CEP43: variants seen among roughly 807,000 people sequenced by gnomAD.
The protein encoded by CEP43 is centrosomal protein 43, also known as FGFR1 oncogene partner.
A neutral mutation model predicts 52.6 loss-of-function variants in CEP43; 36 were observed. The ratio of observed to expected loss-of-function variants is 0.68; its 90% CI spans 0.52 to 0.90. CEP43 has a LOEUF of 0.90. Among genes scored for constraint, CEP43 ranks in the 40% least tolerant of loss-of-function variants. The pLI is 0.00. For missense variants in CEP43, 506 were observed against 472.8 expected, an observed-to-expected ratio of 1.07 and a Z score of -0.65; for synonymous variants, 192 against 172.4, an observed-to-expected ratio of 1.11 and a Z score of -0.89.
intron 10 of CEP43, among the ~76,000 whole-genome samples, chr6:167,029,445 CAAATCTGA>C: frequency 6.6e-6 from 1 of 152,282 alleles, no homozygotes; most frequent in South Asian, 2.1e-4. Flanking sequence ...ATGAGCATCC[CAAATCTGA>C]AAATCTGAAA....
intron 8 of CEP43, 144 bp downstream of exon 8, chr6:167,022,779 A>C (rs1396630465): frequency 1.6e-6 from 1 of 642,742 alleles, no homozygotes; most frequent in Non-Finnish European, 2.7e-6. Flanking sequence ...AATGCCTTTC[A>C]TGTTGTAAAA....
Position 167,044,398 on chromosome 6 carries a change from T to C in CEP43, c.*4420T>C. 1.0e-6 allele frequency: 1 copy of C among 985,208 alleles called. No homozygotes were observed. The highest frequency in any genetic ancestry group is 1.2e-6 in the Non-Finnish European group (1 of 829,868). 61.0% of individuals were successfully genotyped at this position (985,208 alleles called of 1,614,324 possible). On this transcript the variant is annotated 3_prime_UTR_variant, in exon 13 of 13. Coordinates refer to ENST00000366847, the MANE Select transcript of CEP43 (RefSeq NM_007045.4). The stretch of plus-strand genomic sequence containing the variant: ...AAAGGCAATTTCAAAGAAATCTTTA[T>C]GTTTAGCAAGAAGACCAAGATGACA...
At chr6:167,033,099 CTTTTTTTT>C (rs71032896) in intron 11 of CEP43, among the ~76,000 whole-genome samples, 3 of 68,298 alleles carry the variant, frequency 4.4e-5, no homozygotes, top group African/African-American at 5.5e-5. Flanking sequence ...TTGCCATTCT[CTTTTTTTT>C]TTTTTTTTTT....
In CEP43 at chr6:167,047,632, G is replaced by A. The variant is rs775895356; in HGVS notation, c.*7654G>A. 5 of 152,192 alleles carry A rather than the reference G, an allele frequency of 3.3e-5. No individual in the cohort carries two copies. Among genetic ancestry groups the A allele is most frequent in the Non-Finnish European group, 5.9e-5 (4 of 68,038 alleles). 9.4% of individuals were successfully genotyped at this position (152,192 alleles called of 1,614,324 possible). A position where few individuals can be genotyped will look rare whatever the true frequency, so the allele number is the denominator to read the frequency against. ...GGAGAAGAGAGAATACTTCTCGGAT[G>A]ATTGTTCAGTTTCTGATGAATGTCT... On this transcript the variant is annotated 3_prime_UTR_variant, in exon 13 of 13. Transcript: ENST00000366847.
At chr6:167,034,017 T>C in intron 12 of CEP43, 46 bp downstream of exon 12, 1 of 861,644 alleles carries the variant, frequency 1.2e-6, no homozygotes, top group South Asian at 1.7e-5. Context: ...TTTTTTAACC[T>C]ATTTGTCGAT....
chr6:167,049,866 G>A lies in CEP43; in HGVS notation c.*9888G>A, dbSNP rs960915153. The A allele has an allele frequency of 1.3e-5, 2 of 152,250 alleles. No individual in the cohort carries two copies. Among genetic ancestry groups the A allele is most frequent in the Non-Finnish European group, 1.5e-5 (1 of 68,022 alleles). The allele number at this position is 152,250 out of a possible 1,614,324, so 9.4% of individuals were successfully genotyped here. On this transcript the variant is annotated 3_prime_UTR_variant, in exon 13 of 13. Transcript: ENST00000366847. ...GCTTCCAGTTTCTCCACATCATCAC[G>A]AATACTCCTTATTCTCTCTCTTTTT... is the stretch of plus-strand genomic sequence containing the variant.
Position 167,039,885 on chromosome 6 carries a change from T to G in CEP43, c.1126-19T>G. On this transcript the variant is annotated intron_variant, in intron 12 of 12. Transcript: ENST00000366847. ...CACATTCTGACACTTAATTATTTTC[T>G]TTCTTTTGAACAACAAAGCTTGATG... 1 of 1,612,148 alleles carries G rather than the reference T, an allele frequency of 6.2e-7. No homozygotes were observed. Among genetic ancestry groups the G allele is most frequent in the Non-Finnish European group, 8.5e-7 (1 of 1,179,050 alleles).
intron 7 of CEP43, 146 bp from the exon 8 acceptor site, chr6:167,022,259 AACAC>A (rs35327997): frequency 0.047 from 25,042 of 536,870 alleles, 284 homozygotes; most frequent in African/African-American, 0.097. Flanking sequence ...GAGCTGCCCC[AACAC>A]ACACACACAC....
intron 7 of CEP43, among the ~76,000 whole-genome samples, chr6:167,018,424 T>A (rs895746664): frequency 1.3e-5 from 2 of 152,082 alleles, no homozygotes; most frequent in African/African-American, 4.8e-5. Flanking sequence ...GGATTCTCGC[T>A]CTGTCACCAG....
intron 10 of CEP43, among the ~76,000 whole-genome samples, chr6:167,031,877 C>G (rs1027548220): frequency 6.6e-6 from 1 of 152,166 alleles, no homozygotes; most frequent in Non-Finnish European, 1.5e-5. Flanking sequence ...CTGAAGGTGC[C>G]CCCTCTGTCA....
In CEP43 at chr6:167,003,251, A is replaced by G; in HGVS notation, c.211+4A>G. The G allele has an allele frequency of 6.8e-7, 1 of 1,465,364 alleles. No individual in the cohort carries two copies. The allele number at this position is 1,465,364 out of a possible 1,614,324, so 90.8% of individuals were successfully genotyped here. A position where few individuals can be genotyped will look rare whatever the true frequency, so the allele number is the denominator to read the frequency against. On this transcript the variant is annotated splice_donor_region_variant and intron_variant, in intron 3 of 12. Coordinates refer to ENST00000366847, the MANE Select transcript of CEP43 (RefSeq NM_007045.4). Reference sequence around the variant, plus strand: ...AAGTTTTTAAATACCAAAGACGGTAAGATGTTCAGTTTGTTCTTGTTTATC... The same window carrying G: ...AAGTTTTTAAATACCAAAGACGGTAGGATGTTCAGTTTGTTCTTGTTTATC...
At chr6:167,003,839 T>A in intron 4 of CEP43, 28 bp downstream of exon 4, 1 of 1,332,150 alleles carries the variant, frequency 7.5e-7, no homozygotes, top group Non-Finnish European at 1.1e-6. Flanking sequence ...TACATCTATC[T>A]TTTGAAACCT....
chr6:167,025,555 A>C (rs542678118), intron 9 of CEP43, among the ~76,000 whole-genome samples: 1 of 152,226 alleles, frequency 6.6e-6, no homozygotes, highest in East Asian at 1.9e-4. Flanking sequence ...ACCTCTTTTG[A>C]GAAAGTTTCC....
Position 167,049,110 on chromosome 6 carries a change from A to G in CEP43, c.*9132A>G, listed in dbSNP as rs1481050845. On this transcript the variant is annotated 3_prime_UTR_variant, in exon 13 of 13. Transcript: ENST00000366847. ...TTAATGTAGCACAGATGTATCAAAA[A>G]GCCATGCCAGGCAGTTATAGATATC... is the stretch of plus-strand genomic sequence containing the variant. 1 of 152,234 alleles carries G rather than the reference A, an allele frequency of 6.6e-6. No individual in the cohort carries two copies. Among genetic ancestry groups the G allele is most frequent in the Non-Finnish European group, 1.5e-5 (1 of 68,040 alleles). The allele number at this position is 152,234 out of a possible 1,614,324, so 9.4% of individuals were successfully genotyped here.
In CEP43 at chr6:167,000,058, A is replaced by G; in HGVS notation, c.103-2A>G. 6.2e-7 allele frequency: 1 copy of G among 1,609,950 alleles called. No individual in the cohort carries two copies. Among genetic ancestry groups the G allele is most frequent in the East Asian group, 2.2e-5 (1 of 44,770 alleles). ...TTTCCTGTTTCTTAACTTTTTTTTA[A>G]GGCTGAACTCCGAGCAGCTGTGTTT... On this transcript the variant is annotated splice_acceptor_variant, in intron 1 of 12. Coordinates refer to ENST00000366847, the MANE Select transcript of CEP43 (RefSeq NM_007045.4). LOFTEE classifies it high-confidence loss of function.
intron 12 of CEP43, chr6:167,036,602 A>G (rs574280066): frequency 9.1e-6 from 9 of 985,320 alleles, no homozygotes; most frequent in Non-Finnish European, 1.1e-5. Flanking sequence ...AAACTTTTCA[A>G]AATCTTACAA....
chr6:167,022,303 G>GCACA (rs1749871865), intron 7 of CEP43, 106 bp from the exon 8 acceptor site: 1 of 647,716 alleles, frequency 1.5e-6, no homozygotes, highest in Non-Finnish European at 2.6e-6. Flanking sequence ...CACAAAGGTT[G>GCACA]CACACACACA....
Position 167,044,314 on chromosome 6 carries a change from G to T in CEP43, c.*4336G>T. Reference sequence around the variant, plus strand: ...AATGATTTTTGACTAAAAAATTGTTGGCCTAAGATAATTCAGTAGCAGGGC... The same window carrying T: ...AATGATTTTTGACTAAAAAATTGTTTGCCTAAGATAATTCAGTAGCAGGGC... On this transcript the variant is annotated 3_prime_UTR_variant, in exon 13 of 13. Coordinates refer to ENST00000366847, the MANE Select transcript of CEP43 (RefSeq NM_007045.4). 1.4e-6 allele frequency: 1 copy of T among 737,344 alleles called. No individual in the cohort carries two copies. The highest frequency in any genetic ancestry group is 1.7e-6 in the Non-Finnish European group (1 of 603,296). 45.7% of individuals were successfully genotyped at this position (737,344 alleles called of 1,614,324 possible).
At position 167,042,359 on chromosome 6, in the gene CEP43, T is replaced by G. The variant is rs1239335941; in HGVS notation, c.*2381T>G. On this transcript the variant is annotated 3_prime_UTR_variant, in exon 13 of 13. Coordinates refer to ENST00000366847, the MANE Select transcript of CEP43 (RefSeq NM_007045.4). ...AGTGGAGTTTTAAAAATGCTAGGTC[T>G]TTCTTTCATTTTATTGATAACTACA... The G allele has an allele frequency of 3.2e-6, 3 of 942,636 alleles. No homozygotes were observed. Among genetic ancestry groups the G allele is most frequent in the African/African-American group, 3.7e-5 (2 of 54,512 alleles). The allele number at this position is 942,636 out of a possible 1,614,324, so 58.4% of individuals were successfully genotyped here. A position where few individuals can be genotyped will look rare whatever the true frequency, so the allele number is the denominator to read the frequency against.
Sources: allele counts gnomAD v4.1 joint callset (sites outside exome capture counted in the v4.1 genomes callset), GRCh38; gene constraint gnomAD v4.1.1; transcripts MANE v1.5; gene names NCBI Gene and HGNC (gene_info 2026-07-23, HGNC 2026-07-21).